IL17RE: variants seen among roughly 807,000 people sequenced by gnomAD.
IL17RE encodes interleukin-17 receptor E.
A neutral mutation model predicts 70.7 loss-of-function variants in IL17RE; 47 were observed. The observed-to-expected ratio is 0.67, with a 90% CI of 0.53 to 0.85. IL17RE has a LOEUF of 0.85. Among genes scored for constraint, IL17RE ranks in the 40% least tolerant of loss-of-function variants. IL17RE has a pLI of 0.00. For missense variants in IL17RE, 850 were observed against 893.9 expected (o/e 0.95, Z 0.63); for synonymous variants, 372 against 381.2 (o/e 0.98, Z 0.28).
Position 9,904,040 on chromosome 3 carries a change from G to A in IL17RE, c.157G>A (p.Ala53Thr), listed in dbSNP as rs1387516644. The change falls in exon 3 of 16, where the codon GCC becomes ACC. Residue 53 changes from alanine to threonine, a missense_variant. Ala to Thr is a moderately conservative substitution (Grantham distance 58). Coordinates refer to ENST00000383814, the MANE Select transcript of IL17RE (RefSeq NM_153480.2). The part of the protein sequence containing the change: ...HTDDSFTGSS[A>T]YIPCRTWWAL... ...CCTTCCATCTTTCCCAGGAAGTTCT[G>A]CCTATATCCCTTGCCGCACCTGGTG... 1 of 1,614,046 alleles carries A rather than the reference G, an allele frequency of 6.2e-7. No homozygotes were observed. The highest frequency in any genetic ancestry group is 8.5e-7 in the Non-Finnish European group (1 of 1,179,982).
intron 12 of IL17RE, among the ~76,000 whole-genome samples, chr3:9,912,578 C>T (rs938669804): frequency 2.0e-5 from 3 of 152,228 alleles, no homozygotes; most frequent in Non-Finnish European, 4.4e-5. Flanking sequence ...ACCCTCAATA[C>T]CACAGCACCA....
In IL17RE at chr3:9,914,765, C is replaced by T. The variant is rs992398278; in HGVS notation, c.1435C>T (p.Arg479Cys). 6 of 1,613,542 alleles carry T rather than the reference C, an allele frequency of 3.7e-6. No individual in the cohort carries two copies. Among genetic ancestry groups the T allele is most frequent in the South Asian group, 2.2e-5 (2 of 91,082 alleles). Residue 479 changes from arginine to cysteine, a missense_variant, in exon 15 of 16, where the codon CGC (arginine) becomes TGC (cysteine). Physicochemically the swap from Arg to Cys is radical, Grantham distance 180. Coordinates refer to ENST00000383814, the MANE Select transcript of IL17RE (RefSeq NM_153480.2). ...TGTTGTTCTGGCCCTCACCTGCCGG[C>T]GCCCACAGTCAGGTAAGCTCACCTG... ...LGVVLALTCR[R>C]PQSGPGPARP...
At chr3:9,903,194 T>TCCCC in intron 1 of IL17RE, 130 bp downstream of exon 1, 1 of 995,790 alleles carries the variant, frequency 1.0e-6, no homozygotes, top group East Asian at 2.5e-5. Context: ...CTCTACCTAG[T>TCCCC]CTCAAAGGGG....
intron 13 of IL17RE, 58 bp from the exon 14 acceptor site, chr3:9,914,490 A>C (rs1281441821): frequency 6.2e-7 from 1 of 1,605,586 alleles, no homozygotes; most frequent in Non-Finnish European, 8.5e-7. Flanking sequence ...TGCTTCACTC[A>C]GCTCCCCGGG....
chr3:9,911,372 A>G lies in IL17RE; in HGVS notation c.1073-71A>G. ...CCTCACCCAACTGTAACCAAGCTAA[A>G]CCCCAGCCCAGCCCTGAATTCATCA... is the stretch of plus-strand genomic sequence containing the variant. On this transcript the variant is annotated intron_variant, in intron 11 of 15. Transcript: ENST00000383814. 3 of 1,612,558 alleles carry G rather than the reference A, an allele frequency of 1.9e-6. No homozygotes were observed. In the South Asian group the frequency reaches 3.3e-5, roughly 18 times the overall value.
chr3:9,911,099 C>T (rs1393805686), intron 9 of IL17RE, 28 bp from the exon 10 acceptor site: 2 of 1,614,128 alleles, frequency 1.2e-6, no homozygotes, highest in Admixed American at 3.3e-5. Flanking sequence ...GAATTTTCTC[C>T]CTGATGAACT....
Position 9,915,227 on chromosome 3 carries a change from T to C in IL17RE, c.1448-24T>C. 7.3e-7 allele frequency: 1 copy of C among 1,374,202 alleles called. No homozygotes were observed. Among genetic ancestry groups the C allele is most frequent in the Non-Finnish European group, 9.4e-7 (1 of 1,068,882 alleles). 85.1% of individuals were successfully genotyped at this position (1,374,202 alleles called of 1,614,324 possible). The stretch of plus-strand genomic sequence containing the variant: ...GAGCAGTCCCTCAGCCGCCCAGCCT[T>C]CATCTGTTGCTTCCCGCCACCAGGC... On this transcript the variant is annotated intron_variant, in intron 15 of 15. Transcript: ENST00000383814. This position sits in a 1 kb window ranked among gnomAD's most constrained non-coding sequence, Gnocchi z 4.9.
chr3:9,911,807 CTT>C (rs1301505891), intron 12 of IL17RE: 679 of 392,200 alleles, frequency 1.7e-3, no homozygotes, highest in South Asian at 3.3e-3. Context: ...TTCTTTTTTT[CTT>C]TTTTTTTTTT....
At chr3:9,914,107 G>A in intron 13 of IL17RE, 83 bp downstream of exon 13, 1 of 1,145,390 alleles carries the variant, frequency 8.7e-7, no homozygotes. Flanking sequence ...AATCCATTCT[G>A]CAAAAATGTT....
chr3:9,904,910 A>G (rs182573070), intron 3 of IL17RE, among the ~76,000 whole-genome samples: 5 of 152,228 alleles, frequency 3.3e-5, no homozygotes, highest in Non-Finnish European at 7.4e-5. Context: ...CCTGGCCAAC[A>G]TGGCCAAACC....
At chr3:9,913,907 G>A (rs770455972) in intron 12 of IL17RE, 49 bp from the exon 13 acceptor site, 1 of 1,485,746 alleles carries the variant, frequency 6.7e-7, no homozygotes, top group Non-Finnish European at 9.4e-7. Context: ...GCCAGACAGG[G>A]CCAGATTCAC....
At position 9,910,941 on chromosome 3, in the gene IL17RE, C is replaced by G. The variant is rs114105996; in HGVS notation, c.879C>G (p.Leu293=). 54 of 1,614,188 alleles carry G rather than the reference C, an allele frequency of 3.3e-5. No individual in the cohort carries two copies. The African/African-American group carries it at 5.5e-4, about 16-fold the overall frequency. ...QHTQMVMALT[L]RCPLKLEAAL... ...CTCAGATGGTCATGGCCCTGACACT[C>G]CGCTGCCCACTGAAGCTGGAAGCTG... Residue 293 remains leucine (L), a synonymous_variant, in exon 9 of 16, where the codon CTC becomes CTG. Coordinates refer to ENST00000383814, the MANE Select transcript of IL17RE (RefSeq NM_153480.2).
intron 13 of IL17RE, 28 bp from the exon 14 acceptor site, chr3:9,914,520 A>G (rs908262229): frequency 1.2e-6 from 2 of 1,612,976 alleles, no homozygotes; most frequent in African/African-American, 2.7e-5. Context: ...TGCCTGGCTC[A>G]TAGGGGTGGG....
chr3:9,911,157 C>T lies in IL17RE; in HGVS notation c.1009C>T (p.Pro337Ser), dbSNP rs761734268. Reference protein sequence around the residue: ...WYVLEKVDLHPQLCFKFSFGN... With the variant: ...WYVLEKVDLHSQLCFKFSFGN... Reference sequence around the variant, plus strand: ...TGTTTTGGAGAAGGTGGACCTGCACCCCCAGCTCTGCTTCAAGGTACAACC... The same window carrying T: ...TGTTTTGGAGAAGGTGGACCTGCACTCCCAGCTCTGCTTCAAGGTACAACC... Residue 337 changes from proline to serine, a missense_variant, in exon 10 of 16, where the codon CCC becomes TCC. Coordinates refer to ENST00000383814, the MANE Select transcript of IL17RE (RefSeq NM_153480.2). The T allele has an allele frequency of 3.7e-6, 6 of 1,614,178 alleles. No individual in the cohort carries two copies. The highest frequency in any genetic ancestry group is 1.6e-4 in the Middle Eastern group (1 of 6,062).
chr3:9,908,125 A>G, intron 6 of IL17RE, 114 bp from the exon 7 acceptor site: 1 of 793,180 alleles, frequency 1.3e-6, no homozygotes. Context: ...AGTATCTCAT[A>G]TTAGAGGAAA....
Position 9,915,501 on chromosome 3 carries a change from G to A in IL17RE, c.1698G>A (p.Pro566=), listed in dbSNP as rs1046455667. 3.8e-6 allele frequency: 5 copies of A among 1,313,206 alleles called. No individual in the cohort carries two copies. The highest frequency in any genetic ancestry group is 3.1e-5 in the East Asian group (1 of 31,940). The allele number at this position is 1,313,206 out of a possible 1,614,324, so 81.3% of individuals were successfully genotyped here. The change falls in exon 16 of 16, where the codon CCG becomes CCA. Residue 566 remains proline (P), a synonymous_variant. Coordinates refer to ENST00000383814, the MANE Select transcript of IL17RE (RefSeq NM_153480.2). The surrounding 1 kb of genome is among the most constrained non-coding windows in gnomAD (Gnocchi z 4.9). The stretch of plus-strand genomic sequence containing the variant: ...TGTGGAGCGGCGCCGACCTTCGCCC[G>A]GTCAGCGGCCCCGACCCCCGCGCCG... ...LLLWSGADLR[P]VSGPDPRAAP...
rs777605624 is a variant in IL17RE at position 9,910,897 on chromosome 3, A to G, written c.835A>G (p.Thr279Ala). ...GSDFWKSVHF[T>A]DYSQHTQMVM... Reference sequence around the variant, plus strand: ...GGACTTCTGGAAGTCAGTGCACTTCACTGACTACAGCCAGCACACTCAGAT... The same window carrying G: ...GGACTTCTGGAAGTCAGTGCACTTCGCTGACTACAGCCAGCACACTCAGAT... The change falls in exon 9 of 16, where the codon ACT (threonine) becomes GCT (alanine). Residue 279 changes from threonine to alanine, a missense_variant. By Grantham distance (58) the Thr-to-Ala change is moderately conservative. Transcript: ENST00000383814. 102 of 1,613,982 alleles carry G rather than the reference A, an allele frequency of 6.3e-5. No homozygotes were observed. Among genetic ancestry groups the G allele is most frequent in the Non-Finnish European group, 8.4e-5 (99 of 1,180,028 alleles).
intron 12 of IL17RE, among the ~76,000 whole-genome samples, chr3:9,912,904 T>A (rs1313843218): frequency 6.6e-6 from 1 of 152,064 alleles, no homozygotes; most frequent in Non-Finnish European, 1.5e-5. Flanking sequence ...TCTGTCCAAT[T>A]TAGTATGCTT....
chr3:9,915,630 C>A lies in IL17RE; in HGVS notation c.1827C>A (p.Ala609=). ...GCGACATCCCCCCGCCGCTGCGCGC[C>A]CTGCCGCGCTACCGCCTGCTGCGCG... is the stretch of plus-strand genomic sequence containing the variant. ...AKGDIPPPLR[A]LPRYRLLRDL... The change falls in exon 16 of 16, where the codon GCC becomes GCA. Residue 609 remains alanine, a synonymous_variant. Transcript: ENST00000383814. The surrounding 1 kb of genome is among the most constrained non-coding windows in gnomAD (Gnocchi z 4.9). 1.4e-6 allele frequency: 2 copies of A among 1,414,502 alleles called. No homozygotes were observed. Among genetic ancestry groups the A allele is most frequent in the Non-Finnish European group, 9.2e-7 (1 of 1,089,206 alleles). The allele number at this position is 1,414,502 out of a possible 1,614,324, so 87.6% of individuals were successfully genotyped here.
Sources: allele counts gnomAD v4.1 joint callset (sites outside exome capture counted in the v4.1 genomes callset), GRCh38; gene constraint gnomAD v4.1.1; non-coding constraint Gnocchi (gnomAD v3.1); transcripts MANE v1.5; gene names NCBI Gene and HGNC (gene_info 2026-07-23, HGNC 2026-07-21).